COL22A1: variants seen among roughly 807,000 people sequenced by gnomAD.
COL22A1 encodes collagen type XXII alpha 1 chain.
In COL22A1, 221 loss-of-function variants were observed where a neutral mutation model predicts 248.9. That is an observed-to-expected ratio of 0.89 (90% CI 0.80 to 0.99). COL22A1 has a LOEUF of 0.99. Among genes scored for constraint, COL22A1 ranks in the 50% least tolerant of loss-of-function variants. COL22A1 has a pLI of 0.00. For missense variants in COL22A1, 2,240 were observed against 2,179.0 expected, an observed-to-expected ratio of 1.03 and a Z score of -0.56; for synonymous variants, 891 against 793.4, an observed-to-expected ratio of 1.12 and a Z score of -2.07.
intron 44 of COL22A1, 47 bp downstream of exon 44, chr8:138,660,389 G>T: frequency 9.1e-6 from 14 of 1,540,170 alleles, no homozygotes; most frequent in Non-Finnish European, 1.3e-5. Context: ...TCTTGCTTAC[G>T]CCCTGACTGA....
intron 3 of COL22A1, among the ~76,000 whole-genome samples, chr8:138,865,046 C>T (rs965185101): frequency 1.3e-5 from 2 of 152,182 alleles, no homozygotes; most frequent in African/African-American, 2.4e-5. Flanking sequence ...AAATAAGAAC[C>T]TATTATAAAC....
At chr8:138,910,131 G>C (rs1294199201) in intron 1 of COL22A1, among the ~76,000 whole-genome samples, 1 of 152,202 alleles carries the variant, frequency 6.6e-6, no homozygotes, top group Non-Finnish European at 1.5e-5. Flanking sequence ...CTGAGGAATG[G>C]TCATGTCATA....
intron 3 of COL22A1, among the ~76,000 whole-genome samples, chr8:138,848,383 C>A (rs1362154862): frequency 6.6e-6 from 1 of 152,182 alleles, no homozygotes; most frequent in African/African-American, 2.4e-5. Context: ...TTGATCAGAG[C>A]TGCTGCTCTA....
chr8:138,708,724 T>C lies in COL22A1; in HGVS notation c.2518-5377A>G, dbSNP rs181791357. The stretch of plus-strand genomic sequence containing the variant: ...GGCAATACCATTCAGGACACAGGCA[T>C]GGGCAAGGACTTCATGACTAAAACA... On this transcript the variant is annotated intron_variant, in intron 30 of 64. Coordinates refer to ENST00000303045, the MANE Select transcript of COL22A1 (RefSeq NM_152888.3). Among the ~76,000 whole-genome samples, 1,258 of 152,300 alleles carry C rather than the reference T, an allele frequency of 8.3e-3. 16 individuals are homozygous for C. The highest frequency in any genetic ancestry group is 0.028 in the African/African-American group (1,166 of 41,566).
At chr8:138,793,115 C>T (rs1816210033) in intron 12 of COL22A1, among the ~76,000 whole-genome samples, 1 of 152,184 alleles carries the variant, frequency 6.6e-6, no homozygotes, top group Non-Finnish European at 1.5e-5. Context: ...AAAGAAACAG[C>T]CAGAATAAGA....
chr8:138,633,374 GAAT>G lies in COL22A1; in HGVS notation c.3609+1633_3609+1635del, dbSNP rs145399604. On this transcript the variant is annotated intron_variant, in intron 49 of 64. Coordinates refer to ENST00000303045, the MANE Select transcript of COL22A1 (RefSeq NM_152888.3). Reference sequence around the variant, plus strand: ...GCCTCCAATACATCATCTAGCATGAGAATAATAAGCCAGGAGTCATTTCCTACA... The same window carrying G: ...GCCTCCAATACATCATCTAGCATGAGAATAAGCCAGGAGTCATTTCCTACA... Among the ~76,000 whole-genome samples, 1,522 of 152,320 alleles carry G rather than the reference GAAT, an allele frequency of 1.0e-2. 19 individuals are homozygous for G. The highest frequency in any genetic ancestry group is 0.035 in the African/African-American group (1,460 of 41,564).
chr8:138,782,309 C>T (rs1368813741), intron 12 of COL22A1, among the ~76,000 whole-genome samples: 1 of 152,192 alleles, frequency 6.6e-6, no homozygotes, highest in Non-Finnish European at 1.5e-5. Context: ...CCTTGACCTC[C>T]TCGGCTCAAG....
chr8:138,724,793 G>T (rs1389036061), intron 24 of COL22A1, 125 bp from the exon 25 acceptor site: 4 of 843,112 alleles, frequency 4.7e-6, no homozygotes, highest in Non-Finnish European at 7.9e-6. Flanking sequence ...GGCCTCTACT[G>T]TCCTTGGTCA....
intron 50 of COL22A1, among the ~76,000 whole-genome samples, chr8:138,628,155 T>C (rs566142469): frequency 1.0e-3 from 157 of 151,308 alleles, no homozygotes; most frequent in Non-Finnish European, 1.6e-3. Context: ...CTCCATTCAT[T>C]ACCAAAAATC....
intron 31 of COL22A1, among the ~76,000 whole-genome samples, chr8:138,700,502 A>C (rs1015710602): frequency 3.3e-5 from 5 of 152,124 alleles, no homozygotes; most frequent in Admixed American, 6.5e-5. Flanking sequence ...CACTGGATTC[A>C]TGTCACAATG....
chr8:138,905,269 G>T (rs1814924334), intron 1 of COL22A1, among the ~76,000 whole-genome samples: 1 of 152,126 alleles, frequency 6.6e-6, no homozygotes, highest in African/African-American at 2.4e-5. Flanking sequence ...ATTAGCCCAT[G>T]CTCGAATTCC....
chr8:138,693,193 G>T (rs575949148), intron 35 of COL22A1, among the ~76,000 whole-genome samples: 1 of 152,234 alleles, frequency 6.6e-6, no homozygotes, highest in South Asian at 2.1e-4. Flanking sequence ...AGGAGCAGCT[G>T]AGGAGTGTGC....
intron 49 of COL22A1, among the ~76,000 whole-genome samples, chr8:138,634,271 T>A (rs6577936): frequency 0.018 from 2,746 of 152,272 alleles, 74 homozygotes; most frequent in African/African-American, 0.062. Flanking sequence ...TATTTCCTAT[T>A]TGAAGGGGGA....
rs1378818794 is a variant in COL22A1, at chr8:138,649,689, C to G, written c.3423G>C (p.Gly1141=). 6.2e-7 allele frequency: 1 copy of G among 1,613,396 alleles called. No homozygotes were observed. The highest frequency in any genetic ancestry group is 1.7e-5 in the Admixed American group (1 of 59,904). The part of the protein sequence containing the change: ...KGDKGVPGKP[G]REGTEGKKGE... The stretch of plus-strand genomic sequence containing the variant: ...CCTTTTTCCCTTCTGTGCCTTCTCT[C>G]CCTGGCTTTCCTGGGACACCTTTGT... The change falls in exon 46 of 65, where the codon GGG becomes GGC. Residue 1141 remains glycine, a synonymous_variant. Transcript: ENST00000303045.
chr8:138,602,363 T>G (rs1176156673), intron 59 of COL22A1, among the ~76,000 whole-genome samples: 1 of 152,194 alleles, frequency 6.6e-6, no homozygotes, highest in African/African-American at 2.4e-5. Context: ...CTCCTGGCAC[T>G]GTCCACCTTT....
In COL22A1 at chr8:138,694,741, G is replaced by A. The variant is rs547637766; in HGVS notation, c.2646+85C>T. 9.3e-6 allele frequency: 14 copies of A among 1,504,530 alleles called. No individual in the cohort carries two copies. The African/African-American group carries it at 9.6e-5, about 10-fold the overall frequency. The allele number at this position is 1,504,530 out of a possible 1,614,324, so 93.2% of individuals were successfully genotyped here. A position where few individuals can be genotyped will look rare whatever the true frequency, so the allele number is the denominator to read the frequency against. Reference sequence around the variant, plus strand: ...TGTGGCTCCTGGGTGTGGAATGCACGGTGCAGATCTACAGCTGGTCAGCCT... The same window carrying A: ...TGTGGCTCCTGGGTGTGGAATGCACAGTGCAGATCTACAGCTGGTCAGCCT... On this transcript the variant is annotated intron_variant, in intron 33 of 64. Transcript: ENST00000303045.
intron 51 of COL22A1, among the ~76,000 whole-genome samples, chr8:138,624,054 A>G (rs1820052644): frequency 6.6e-6 from 1 of 152,232 alleles, no homozygotes; most frequent in Middle Eastern, 3.4e-3. Flanking sequence ...TATTATTGCT[A>G]TTGACCTAAA....
intron 10 of COL22A1, among the ~76,000 whole-genome samples, chr8:138,803,427 G>C (rs1416467626): frequency 6.6e-6 from 1 of 152,124 alleles, no homozygotes; most frequent in Non-Finnish European, 1.5e-5. Flanking sequence ...ACCCTGCTTA[G>C]CTTCCGAGAT....
intron 8 of COL22A1, among the ~76,000 whole-genome samples, chr8:138,812,543 G>A (rs1255603755): frequency 1.3e-5 from 2 of 152,134 alleles, no homozygotes; most frequent in East Asian, 3.9e-4. Flanking sequence ...GCAAACCCTG[G>A]TGTCTTGGGC....
Sources: gnomAD v4.1 joint callset for allele counts (sites outside exome capture counted in the v4.1 genomes callset) on GRCh38, gnomAD v4.1.1 for gene constraint, MANE v1.5 for transcripts, NCBI Gene and HGNC (gene_info 2026-07-23, HGNC 2026-07-21) for gene names.